PARD3B: variants seen among roughly 807,000 people sequenced by gnomAD.
The protein encoded by PARD3B is partitioning defective 3 homolog B.
PARD3B carries 103 observed loss-of-function variants against 130.2 expected under a neutral mutation model. The observed-to-expected ratio is 0.79, with a 90% confidence interval of 0.67 to 0.93. PARD3B has a LOEUF of 0.93. Ranked by LOEUF, PARD3B falls within the 40% of genes least tolerant of loss-of-function variation. The probability of loss-of-function intolerance (pLI) is 0.00; values close to 1 mark genes in which losing one functional copy is unlikely to be tolerated. For synonymous variants in PARD3B, 583 were observed against 553.2 expected (o/e 1.05, Z -0.76); for missense variants, 1,609 against 1,499.2 (o/e 1.07, Z -1.21).
At position 205,348,438 on chromosome 2, in the gene PARD3B, C is replaced by G. The variant is rs1418927349; in HGVS notation, c.2630+46737C>G. On this transcript the variant is annotated intron_variant, in intron 18 of 22. Transcript: ENST00000406610. ...AGCTCTCAATACCTGAAGTAATTCC[C>G]AAGTGTTGGTGAAGGAGTAAGACAA... Among the ~76,000 whole-genome samples the G allele has an allele frequency of 3.3e-5, 5 of 152,236 alleles. No individual in the cohort carries two copies. The East Asian group carries it at 9.7e-4, about 29-fold the overall frequency.
intron 10 of PARD3B, among the ~76,000 whole-genome samples, chr2:205,143,934 C>A (rs138215738): frequency 6.6e-6 from 1 of 152,258 alleles, no homozygotes; most frequent in East Asian, 1.9e-4. Flanking sequence ...ATATCATTAA[C>A]CCTTGATAGG....
rs558991523 is a variant in PARD3B at position 205,618,907 on chromosome 2, C to T, written c.*3094C>T. The T allele has an allele frequency of 7.9e-5, 12 of 152,244 alleles. No individual in the cohort carries two copies. The highest frequency in any genetic ancestry group is 2.4e-4 in the African/African-American group (10 of 41,544). 9.4% of individuals were successfully genotyped at this position (152,244 alleles called of 1,614,324 possible). On this transcript the variant is annotated 3_prime_UTR_variant, in exon 23 of 23. Transcript: ENST00000406610. ...ACAGGAACATTTTCCTAAATCATAA[C>T]CTAATAGCAAACAAAAATTGAAAAA...
intron 15 of PARD3B, among the ~76,000 whole-genome samples, chr2:205,228,498 T>C (rs2038677952): frequency 6.6e-6 from 1 of 152,158 alleles, no homozygotes. Flanking sequence ...CCATTGTTTA[T>C]TATTTGTTTC....
chr2:204,743,083 G>T (rs1164256508), intron 2 of PARD3B, among the ~76,000 whole-genome samples: 1 of 152,076 alleles, frequency 6.6e-6, no homozygotes, highest in Non-Finnish European at 1.5e-5. Context: ...TAGTAATTTA[G>T]TTATGATTCA....
intron 10 of PARD3B, among the ~76,000 whole-genome samples, chr2:205,130,065 G>A (rs189731529): frequency 6.6e-6 from 1 of 152,130 alleles, no homozygotes; most frequent in Admixed American, 6.5e-5. Flanking sequence ...CAACTATTTA[G>A]CTGTTTCTAG....
At position 205,564,916 on chromosome 2, in the gene PARD3B, T is replaced by A. The variant is rs2053267479; in HGVS notation, c.3260+11513T>A. Among the ~76,000 whole-genome samples, 1 of 152,284 alleles carries A rather than the reference T, an allele frequency of 6.6e-6. No individual in the cohort carries two copies. Among genetic ancestry groups the A allele is most frequent in the South Asian group, 2.1e-4 (1 of 4,822 alleles). Reference sequence around the variant, plus strand: ...CCTAGACAGAAGTGACCAGGGCTTGTCTCACCAGAGGGTTGCCCCACTCTG... The same window carrying A: ...CCTAGACAGAAGTGACCAGGGCTTGACTCACCAGAGGGTTGCCCCACTCTG... On this transcript the variant is annotated intron_variant, in intron 22 of 22. Coordinates refer to ENST00000406610, the MANE Select transcript of PARD3B (RefSeq NM_001302769.2). The surrounding 1 kb of genome is among the most constrained non-coding windows in gnomAD (Gnocchi z 4.6).
rs560596895 is a variant in PARD3B at position 205,066,990 on chromosome 2, G to A, written c.504+19300G>A. Among the ~76,000 whole-genome samples, 3 of 151,034 alleles carry A rather than the reference G, an allele frequency of 2.0e-5. No individual in the cohort carries two copies. The South Asian group carries it at 6.3e-4, about 32-fold the overall frequency. On this transcript the variant is annotated intron_variant, in intron 4 of 22. Coordinates refer to ENST00000406610, the MANE Select transcript of PARD3B (RefSeq NM_001302769.2). ...GTTGTGCACCTGAACAAAACTGGGGGATCTAATGGAAAGGGAAGTAAGATG... is the reference window on the plus strand; with the variant it reads ...GTTGTGCACCTGAACAAAACTGGGGAATCTAATGGAAAGGGAAGTAAGATG...
At chr2:204,968,704 A>C (rs550231375) in intron 3 of PARD3B, among the ~76,000 whole-genome samples, 1 of 152,350 alleles carries the variant, frequency 6.6e-6, no homozygotes, top group African/African-American at 2.4e-5. Context: ...GACCTTCTTC[A>C]TGAAGCCTTG....
intron 21 of PARD3B, among the ~76,000 whole-genome samples, chr2:205,539,010 C>G (rs750893347): frequency 1.3e-5 from 2 of 152,162 alleles, no homozygotes; most frequent in Non-Finnish European, 2.9e-5. Context: ...CCCAAAATCA[C>G]AAAGTCAGTA....
At chr2:205,152,612 T>C (rs2033836456) in intron 10 of PARD3B, among the ~76,000 whole-genome samples, 1 of 152,208 alleles carries the variant, frequency 6.6e-6, no homozygotes, top group South Asian at 2.1e-4. Flanking sequence ...CATCGGGTCA[T>C]TTAAGGTCTT....
At position 205,458,035 on chromosome 2, in the gene PARD3B, G is replaced by A. The variant is rs889981666; in HGVS notation, c.3044+17363G>A. On this transcript the variant is annotated intron_variant, in intron 20 of 22. Transcript: ENST00000406610. The surrounding 1 kb of genome is among the most constrained non-coding windows in gnomAD (Gnocchi z 4.8). ...TTTTCAGATAAGGGATACTCAACCT[G>A]TAATGTATCATTTTTCTTTGACTGC... 2.6e-5 allele frequency among the ~76,000 whole-genome samples: 4 copies of A among 152,074 alleles called. No individual in the cohort carries two copies. Among genetic ancestry groups the A allele is most frequent in the African/African-American group, 9.7e-5 (4 of 41,426 alleles).
chr2:204,574,153 C>G (rs557669463), intron 1 of PARD3B, among the ~76,000 whole-genome samples: 1 of 152,234 alleles, frequency 6.6e-6, no homozygotes, highest in South Asian at 2.1e-4. Context: ...GTACAGCTGC[C>G]AAGTTGGAGC....
intron 2 of PARD3B, among the ~76,000 whole-genome samples, chr2:204,714,783 C>A (rs1400617755): frequency 1.3e-5 from 2 of 152,126 alleles, no homozygotes; most frequent in African/African-American, 4.8e-5. Context: ...CCAGAATGAA[C>A]CCATGGCAAG....
chr2:204,664,461 C>G lies in PARD3B; in HGVS notation c.121-21720C>G, dbSNP rs1281825457. Reference sequence around the variant, plus strand: ...CATAACTAAATGCTTACCACCCTCCCTGAAAGTTAGTTACGTTTTGATCAT... The same window carrying G: ...CATAACTAAATGCTTACCACCCTCCGTGAAAGTTAGTTACGTTTTGATCAT... On this transcript the variant is annotated intron_variant, in intron 1 of 22. Coordinates refer to ENST00000406610, the MANE Select transcript of PARD3B (RefSeq NM_001302769.2). The surrounding 1 kb of genome is among the most constrained non-coding windows in gnomAD (Gnocchi z 5.2). 2.0e-5 allele frequency among the ~76,000 whole-genome samples: 3 copies of G among 152,160 alleles called. No homozygotes were observed. Among genetic ancestry groups the G allele is most frequent in the Admixed American group, 2.0e-4 (3 of 15,256 alleles).
At chr2:205,535,704 C>T (rs183597628) in intron 21 of PARD3B, among the ~76,000 whole-genome samples, 2 of 152,266 alleles carry the variant, frequency 1.3e-5, no homozygotes, top group African/African-American at 4.8e-5. Flanking sequence ...TTCATTCTGC[C>T]ACCTTTATAA....
At chr2:204,791,199 A>C (rs1013261951) in intron 2 of PARD3B, among the ~76,000 whole-genome samples, 2 of 152,290 alleles carry the variant, frequency 1.3e-5, no homozygotes, top group Non-Finnish European at 2.9e-5. Context: ...TGGTTGTGAC[A>C]TTGTGGACAC....
intron 20 of PARD3B, chr2:205,482,803 G>C (rs547749480): frequency 6.6e-6 from 1 of 152,298 alleles, no homozygotes; most frequent in Admixed American, 6.5e-5. Context: ...AATGAGGGTA[G>C]AAAGTACTGA....
intron 1 of PARD3B, among the ~76,000 whole-genome samples, chr2:204,608,701 C>G (rs1423427937): frequency 1.3e-5 from 2 of 152,112 alleles, no homozygotes; most frequent in African/African-American, 4.8e-5. Flanking sequence ...ATTATGATGC[C>G]CTGACTCTGG....
chr2:204,805,629 T>TA (rs1431300368), intron 2 of PARD3B, among the ~76,000 whole-genome samples: 1 of 152,078 alleles, frequency 6.6e-6, no homozygotes, highest in East Asian at 1.9e-4. Context: ...TACAGGCCAA[T>TA]ATCCCTGATG....
Sources: gnomAD v4.1 joint callset for allele counts (sites outside exome capture counted in the v4.1 genomes callset) on GRCh38, gnomAD v4.1.1 for gene constraint, Gnocchi (gnomAD v3.1) non-coding constraint, MANE v1.5 for transcripts, NCBI Gene and HGNC (gene_info 2026-07-23, HGNC 2026-07-21) for gene names.